IFT140: variants seen among roughly 807,000 people sequenced by gnomAD.
IFT140 encodes the protein intraflagellar transport protein 140 homolog.
A neutral mutation model predicts 164.6 loss-of-function variants in IFT140; 133 were observed. That is an observed-to-expected ratio of 0.81 (90% CI 0.70 to 0.93). The LOEUF (loss-of-function observed/expected upper bound fraction) is 0.93. IFT140 is among the 40% of genes least tolerant of loss of function. The pLI, the probability that IFT140 is intolerant of heterozygous loss-of-function variation, is 0.00. For missense variants in IFT140, 2,045 were observed against 1,972.3 expected, an observed-to-expected ratio of 1.04 and a Z score of -0.70; for synonymous variants, 860 against 817.3, an observed-to-expected ratio of 1.05 and a Z score of -0.89.
At position 1,524,709 on chromosome 16, in the gene IFT140, G is replaced by C. The variant is rs986753439; in HGVS notation, c.2998-14C>G. ...TATTTGCGCAGCCTAGAAAGACAAA[G>C]AACCCAAAGACGAGACACGGTGGCC... On this transcript the variant is annotated splice_polypyrimidine_tract_variant and intron_variant, in intron 23 of 30. Coordinates refer to ENST00000426508, the MANE Select transcript of IFT140 (RefSeq NM_014714.4). 6.3e-7 allele frequency: 1 copy of C among 1,575,978 alleles called. No homozygotes were observed. Among genetic ancestry groups the C allele is most frequent in the Admixed American group, 1.7e-5 (1 of 57,370 alleles).
intron 19 of IFT140, among the ~76,000 whole-genome samples, chr16:1,530,133 C>CGTT: frequency 1.1e-5 from 1 of 88,586 alleles, no homozygotes; most frequent in East Asian, 3.5e-4. Flanking sequence ...CGACGGGAAT[C>CGTT]TTTTTTTTTT....
Position 1,587,217 on chromosome 16 carries a change from C to A in IFT140, c.990G>T (p.Val330=), listed in dbSNP as rs760965953. 2 of 1,609,840 alleles carry A rather than the reference C, an allele frequency of 1.2e-6. No homozygotes were observed. Among genetic ancestry groups the A allele is most frequent in the East Asian group, 2.2e-5 (1 of 44,844 alleles). Residue 330 remains valine, a synonymous_variant, in exon 9 of 31, where the codon GTG becomes GTT. Coordinates refer to ENST00000426508, the MANE Select transcript of IFT140 (RefSeq NM_014714.4). ...CCTCACCTTTGACTTTACAGTAACA[C>A]ACACAGTTCATATTCTCTCCTTTCT... is the stretch of plus-strand genomic sequence containing the variant. ...GFEKGENMNC[V]CYCKVKGLLA...
At chr16:1,513,223 C>G (rs1171882689) in intron 30 of IFT140, 1 of 152,254 alleles carries the variant, frequency 6.6e-6, no homozygotes. Context: ...GGCGCGGTGG[C>G]TCACGCCTGT....
Position 1,512,821 on chromosome 16 carries a change from C to T in IFT140, c.4183-1671G>A, listed in dbSNP as rs191814527. 2.9e-3 allele frequency among the ~76,000 whole-genome samples: 439 copies of T among 152,234 alleles called. 1 individual carries two copies. Among genetic ancestry groups the T allele is most frequent in the South Asian group, 8.9e-3 (43 of 4,822 alleles). ...AAACCAAGCAACAACAAAAAAGAAACCTTGTTAGGATTAGACTTGAGTTGT... is the reference window on the plus strand; with the variant it reads ...AAACCAAGCAACAACAAAAAAGAAATCTTGTTAGGATTAGACTTGAGTTGT... On this transcript the variant is annotated intron_variant, in intron 30 of 30. Transcript: ENST00000426508.
At chr16:1,605,443 T>C (rs1485345101) in intron 3 of IFT140, among the ~76,000 whole-genome samples, 4 of 152,288 alleles carry the variant, frequency 2.6e-5, no homozygotes, top group East Asian at 1.9e-4. Flanking sequence ...TCTCACTCTG[T>C]TGCCCAGGCT....
rs1351177843 is a variant in IFT140, at chr16:1,584,406, C to A, written c.1170G>T (p.Lys390Asn). Residue 390 changes from lysine (K) to asparagine (N), a missense_variant, in exon 11 of 31, where the codon AAG becomes AAT. Lys to Asn is a moderately conservative substitution (Grantham distance 94). Transcript: ENST00000426508. ...TGACGCTGTTCACTGCCAGCAGGTT[C>A]TTCCTGGAACCCCACTTCATTTCCA... ...NITQIQWGSR[K>N]NLLAVNSVIS... The A allele has an allele frequency of 2.5e-6, 4 of 1,607,312 alleles. No homozygotes were observed. The highest frequency in any genetic ancestry group is 3.4e-6 in the Non-Finnish European group (4 of 1,177,640).
At chr16:1,579,456 C>T (rs1410400129) in intron 13 of IFT140, 1 of 152,218 alleles carries the variant, frequency 6.6e-6, no homozygotes, top group Non-Finnish European at 1.5e-5. Flanking sequence ...GAGGCTCACC[C>T]TCAGAGCCTC....
intron 18 of IFT140, 125 bp from the exon 19 acceptor site, chr16:1,558,259 T>A: frequency 1.1e-6 from 1 of 919,828 alleles, no homozygotes; most frequent in Non-Finnish European, 1.7e-6. Flanking sequence ...GACAGATATT[T>A]ACCAACAGGC....
Position 1,525,870 on chromosome 16 carries a change from G to C in IFT140, c.2768+17C>G, listed in dbSNP as rs373280850. On this transcript the variant is annotated intron_variant, in intron 21 of 30. Transcript: ENST00000426508. Reference sequence around the variant, plus strand: ...CATCCAGAGAGGCAGGGAAGAGGCCGCGAGGGCCGCACTCACTAACTGAGG... The same window carrying C: ...CATCCAGAGAGGCAGGGAAGAGGCCCCGAGGGCCGCACTCACTAACTGAGG... 1 of 1,509,844 alleles carries C rather than the reference G, an allele frequency of 6.6e-7. No individual in the cohort carries two copies. Among genetic ancestry groups the C allele is most frequent in the East Asian group, 2.5e-5 (1 of 40,448 alleles). 93.5% of individuals were successfully genotyped at this position (1,509,844 alleles called of 1,614,324 possible). A position where few individuals can be genotyped will look rare whatever the true frequency, so the allele number is the denominator to read the frequency against.
intron 3 of IFT140, among the ~76,000 whole-genome samples, chr16:1,603,687 T>C (rs1797129622): frequency 6.6e-6 from 1 of 152,194 alleles, no homozygotes; most frequent in Non-Finnish European, 1.5e-5. Flanking sequence ...TTCATCATAT[T>C]GGCCAGGCTG....
rs148663745 is a variant in IFT140 at position 1,584,245 on chromosome 16, A to G, written c.1331T>C (p.Met444Thr). Residue 444 changes from methionine to threonine, a missense_variant, in exon 11 of 31, where the codon ATG becomes ACG. Physicochemically the swap from Met to Thr is moderately conservative, Grantham distance 81. Transcript: ENST00000426508. Reference protein sequence around the residue: ...TGVAHSLRTDMHISGVFATKD... With the variant: ...TGVAHSLRTDTHISGVFATKD... Reference sequence around the variant, plus strand: ...GGTGGCAAACACTCCACTGATGTGCATGTCGGTGCGCAGGCTGTGTGCGAC... The same window carrying G: ...GGTGGCAAACACTCCACTGATGTGCGTGTCGGTGCGCAGGCTGTGTGCGAC... The G allele has an allele frequency of 6.1e-5, 99 of 1,613,784 alleles. No homozygotes were observed. In the African/African-American group the frequency reaches 7.2e-4, roughly 12 times the overall value.
chr16:1,594,935 G>A (rs2035377268), intron 4 of IFT140, among the ~76,000 whole-genome samples: 1 of 152,220 alleles, frequency 6.6e-6, no homozygotes, highest in South Asian at 2.1e-4. Flanking sequence ...CCAAATGCTG[G>A]ATAACATGCT....
intron 14 of IFT140, among the ~76,000 whole-genome samples, chr16:1,569,786 C>T (rs1205763232): frequency 2.6e-5 from 4 of 151,350 alleles, no homozygotes; most frequent in Non-Finnish European, 1.5e-5. Context: ...TTGGGTTTCA[C>T]CATGCTGCCC....
At position 1,523,668 on chromosome 16, in the gene IFT140, G is replaced by C. The variant is rs771939015; in HGVS notation, c.3303C>G (p.Ala1101=). ...GGGCCACAAACTGCTGGGTGGCAAA[G>C]GCCAGCTCCAGGGCCTTGGAGAAGT... is the stretch of plus-strand genomic sequence containing the variant. ...AGHFSKALEL[A]FATQQFVALQ... The change falls in exon 26 of 31, where the codon GCC becomes GCG. Residue 1101 remains alanine, a synonymous_variant. Coordinates refer to ENST00000426508, the MANE Select transcript of IFT140 (RefSeq NM_014714.4). The C allele has an allele frequency of 1.2e-6, 2 of 1,613,868 alleles. No homozygotes were observed. Among genetic ancestry groups the C allele is most frequent in the Non-Finnish European group, 8.5e-7 (1 of 1,180,000 alleles).
chr16:1,525,520 C>A (rs116517691), intron 21 of IFT140, among the ~76,000 whole-genome samples, 194 bp from the exon 22 acceptor site: 1 of 152,166 alleles, frequency 6.6e-6, no homozygotes. Flanking sequence ...TGTGGGGGCC[C>A]GGGAGGCGGG....
chr16:1,525,423 C>T (rs775641471), intron 21 of IFT140, 97 bp from the exon 22 acceptor site: 15 of 884,080 alleles, frequency 1.7e-5, no homozygotes, highest in African/African-American at 9.8e-5. Context: ...CGCATCAGAG[C>T]GGTGGCCCTC....
chr16:1,533,958 G>T lies in IFT140; in HGVS notation c.2400-7162C>A. 1 of 419,030 alleles carries T rather than the reference G, an allele frequency of 2.4e-6. No individual in the cohort carries two copies. The highest frequency in any genetic ancestry group is 4.3e-6 in the Non-Finnish European group (1 of 234,838). 26.0% of individuals were successfully genotyped at this position (419,030 alleles called of 1,614,324 possible). ...GGCGAGAAGAGGCACGCGCGGCACA[G>T]GCCGGCCTCCGCTTCCCGGGAAGAC... On this transcript the variant is annotated intron_variant, in intron 19 of 30. Coordinates refer to ENST00000426508, the MANE Select transcript of IFT140 (RefSeq NM_014714.4). The surrounding 1 kb of genome is among the most constrained non-coding windows in gnomAD (Gnocchi z 4.7).
At chr16:1,560,584 C>T (rs558996512) in intron 18 of IFT140, among the ~76,000 whole-genome samples, 3 of 150,622 alleles carry the variant, frequency 2.0e-5, no homozygotes, top group Non-Finnish European at 4.4e-5. Context: ...CGCGGTCCAC[C>T]GTGGTGGCTG....
intron 30 of IFT140, among the ~76,000 whole-genome samples, chr16:1,516,266 A>G (rs1435335404): frequency 6.6e-6 from 1 of 151,930 alleles, no homozygotes; most frequent in African/African-American, 2.4e-5. Context: ...GACTGTTGAA[A>G]GCAACAATTA....
Sources: gnomAD v4.1 joint callset for allele counts (sites outside exome capture counted in the v4.1 genomes callset) on GRCh38, gnomAD v4.1.1 for gene constraint, Gnocchi (gnomAD v3.1) non-coding constraint, MANE v1.5 for transcripts, NCBI Gene and HGNC (gene_info 2026-07-23, HGNC 2026-07-21) for gene names.